Variants in TTC28 observed in about 807,000 individuals in gnomAD.
The protein encoded by TTC28 is tetratricopeptide repeat domain 28, also known as tetratricopeptide repeat protein 28.
Under a neutral mutation model 198.0 loss-of-function variants are expected in TTC28, and 61 were observed. That is an observed-to-expected ratio of 0.31 (90% CI 0.25 to 0.38). The LOEUF (loss-of-function observed/expected upper bound fraction) is 0.38. Among genes scored for constraint, TTC28 ranks in the 10% least tolerant of loss-of-function variants. TTC28 has a pLI of 1.00. For synonymous variants in TTC28, 1,171 were observed against 1,297.8 expected, an observed-to-expected ratio of 0.90 and a Z score of 2.10; for missense variants, 2,678 against 3,164.0, an observed-to-expected ratio of 0.85 and a Z score of 3.69.
chr22:28,496,308 C>A (rs909704540), intron 2 of TTC28, among the ~76,000 whole-genome samples: 1 of 152,124 alleles, frequency 6.6e-6, no homozygotes, highest in Non-Finnish European at 1.5e-5. Flanking sequence ...CGACCTCTCC[C>A]CTTAGGTGTC....
At chr22:28,625,451 G>A (rs970925726) in intron 2 of TTC28, among the ~76,000 whole-genome samples, 2 of 152,078 alleles carry the variant, frequency 1.3e-5, no homozygotes, top group African/African-American at 4.8e-5. Context: ...ATTTATAATA[G>A]TATCAAAAGC....
At chr22:28,329,327 T>C (rs1485442669) in intron 2 of TTC28, among the ~76,000 whole-genome samples, 3 of 152,148 alleles carry the variant, frequency 2.0e-5, no homozygotes, top group African/African-American at 4.8e-5. Context: ...ACAGTTGAAA[T>C]ACACTGTTTC....
chr22:28,624,801 C>A (rs1203586178), intron 2 of TTC28, among the ~76,000 whole-genome samples: 2 of 152,066 alleles, frequency 1.3e-5, no homozygotes, highest in African/African-American at 4.8e-5. Context: ...AAAAAGGCTA[C>A]AGATCAGTAT....
intron 12 of TTC28, among the ~76,000 whole-genome samples, chr22:28,038,467 T>G (rs1175323253): frequency 2.0e-5 from 3 of 152,204 alleles, no homozygotes; most frequent in Non-Finnish European, 4.4e-5. Context: ...GCTAGCCATA[T>G]GTAGAAAGCT....
In TTC28 at chr22:28,001,427, G is replaced by A. The variant is rs896750037; in HGVS notation, c.4345C>T (p.Arg1449Cys). The A allele has an allele frequency of 1.0e-5, 16 of 1,551,440 alleles. No homozygotes were observed. Among genetic ancestry groups the A allele is most frequent in the African/African-American group, 1.4e-5 (1 of 73,064 alleles). The change falls in exon 15 of 23, where the codon CGC becomes TGC. Residue 1449 changes from arginine to cysteine, a missense_variant. Physicochemically the swap from Arg to Cys is radical, Grantham distance 180. Coordinates refer to ENST00000397906, the MANE Select transcript of TTC28 (RefSeq NM_001145418.2). ...GSSSNEYLYE[R>C]FGLLAVPSIR... ...GAAGGGACAGCAAGGAGGCCGAAGC[G>A]CTCGTAGAGGTACTCATTGGAGGAG...
At chr22:28,404,396 C>A (rs1263948355) in intron 2 of TTC28, among the ~76,000 whole-genome samples, 1 of 152,148 alleles carries the variant, frequency 6.6e-6, no homozygotes, top group African/African-American at 2.4e-5. Flanking sequence ...GGGTTACTGG[C>A]GTGAGACACC....
At chr22:28,637,993 C>A (rs2051303124) in intron 1 of TTC28, among the ~76,000 whole-genome samples, 2 of 152,152 alleles carry the variant, frequency 1.3e-5, no homozygotes, top group African/African-American at 2.4e-5. Context: ...AAGGTGAATT[C>A]ATTAAGAGGG....
chr22:28,431,938 A>G (rs887850951), intron 2 of TTC28, among the ~76,000 whole-genome samples: 1 of 151,788 alleles, frequency 6.6e-6, no homozygotes, highest in African/African-American at 2.4e-5. Context: ...AGATCATGCC[A>G]CTGCACTCCA....
intron 5 of TTC28, among the ~76,000 whole-genome samples, chr22:28,227,758 A>G (rs115130346): frequency 6.6e-6 from 1 of 152,090 alleles, no homozygotes; most frequent in African/African-American, 2.4e-5. Context: ...ACCCTTGTGC[A>G]CTGCTAGTGG....
chr22:28,366,881 G>A (rs2046256502), intron 2 of TTC28, among the ~76,000 whole-genome samples: 1 of 151,948 alleles, frequency 6.6e-6, no homozygotes, highest in Admixed American at 6.6e-5. Context: ...TTCACCAAGA[G>A]GATATAACAC....
intron 12 of TTC28, among the ~76,000 whole-genome samples, chr22:28,073,993 T>C (rs1941083854): frequency 6.6e-6 from 1 of 152,294 alleles, no homozygotes; most frequent in Non-Finnish European, 1.5e-5. Flanking sequence ...GAGTTGTGGG[T>C]CTGACACAGT....
chr22:27,992,671 A>G lies in TTC28; in HGVS notation c.5477-8T>C. On this transcript the variant is annotated splice_region_variant and splice_polypyrimidine_tract_variant and intron_variant, in intron 18 of 22. Coordinates refer to ENST00000397906, the MANE Select transcript of TTC28 (RefSeq NM_001145418.2). ...GGGCAGGATTGGGCAGACCTAAACC[A>G]AGAAAAAAGGGTAGAAGTTATTCAG... 1.3e-6 allele frequency: 2 copies of G among 1,551,234 alleles called. No homozygotes were observed. The highest frequency in any genetic ancestry group is 1.7e-6 in the Non-Finnish European group (2 of 1,146,894).
intron 5 of TTC28, among the ~76,000 whole-genome samples, chr22:28,248,217 ACAC>A (rs1930249962): frequency 6.6e-6 from 1 of 152,176 alleles, no homozygotes; most frequent in Admixed American, 6.5e-5. Context: ...TTCACTGAAC[ACAC>A]CACATGTGGT....
chr22:28,100,073 T>C (rs1271068438), intron 9 of TTC28, among the ~76,000 whole-genome samples: 1 of 152,226 alleles, frequency 6.6e-6, no homozygotes, highest in African/African-American at 2.4e-5. Context: ...TTCCTTTTTT[T>C]TCCCCCTCAT....
chr22:28,096,581 G>T (rs1259210150), intron 10 of TTC28, among the ~76,000 whole-genome samples, 173 bp from the exon 11 acceptor site: 1 of 152,136 alleles, frequency 6.6e-6, no homozygotes, highest in African/African-American at 2.4e-5. Context: ...CAGATGGTGG[G>T]TGCAGTGTCC....
At position 28,582,763 on chromosome 22, in the gene TTC28, A is replaced by C. The variant is rs540256039; in HGVS notation, c.381+46789T>G. 2.9e-3 allele frequency among the ~76,000 whole-genome samples: 436 copies of C among 152,326 alleles called. 2 individuals carry two copies. The highest frequency in any genetic ancestry group is 9.7e-3 in the African/African-American group (404 of 41,564). ...ACTCTATTCATTAAAAACAAAAAAAAATACTTATGTGGTCAAGTCACATTC... is the reference window on the plus strand; with the variant it reads ...ACTCTATTCATTAAAAACAAAAAAACATACTTATGTGGTCAAGTCACATTC... On this transcript the variant is annotated intron_variant, in intron 2 of 22. Coordinates refer to ENST00000397906, the MANE Select transcript of TTC28 (RefSeq NM_001145418.2).
chr22:28,120,505 T>A (rs1942756314), intron 6 of TTC28, among the ~76,000 whole-genome samples: 1 of 152,066 alleles, frequency 6.6e-6, no homozygotes, highest in South Asian at 2.1e-4. Context: ...GCCCAGCACA[T>A]TTTTTTCCCT....
chr22:28,388,573 T>C (rs1034190450), intron 2 of TTC28, among the ~76,000 whole-genome samples: 2 of 152,182 alleles, frequency 1.3e-5, no homozygotes, highest in African/African-American at 4.8e-5. Flanking sequence ...CCCTTGTAAT[T>C]TGGATTCCTA....
intron 1 of TTC28, among the ~76,000 whole-genome samples, chr22:28,639,371 CT>C (rs1341791536): frequency 6.6e-6 from 1 of 152,356 alleles, no homozygotes; most frequent in Non-Finnish European, 1.5e-5. Context: ...TCCTTACCCC[CT>C]CTCCATTCAC....
Sources: allele counts gnomAD v4.1 joint callset (sites outside exome capture counted in the v4.1 genomes callset), GRCh38; gene constraint gnomAD v4.1.1; transcripts MANE v1.5; gene names NCBI Gene and HGNC (gene_info 2026-07-23, HGNC 2026-07-21).